The following LPP variants were observed in gnomAD, a reference collection of about 807,000 sequenced individuals.
The protein encoded by LPP is LIM domain containing preferred translocation partner in lipoma, also known as lipoma-preferred partner.
LPP carries 38 observed loss-of-function variants against 60.4 expected under a neutral mutation model. That is an observed-to-expected ratio of 0.63 (90% CI 0.49 to 0.83). The LOEUF (loss-of-function observed/expected upper bound fraction) is 0.83. Ranked by LOEUF, LPP falls within the 40% of genes least tolerant of loss-of-function variation. The probability of loss-of-function intolerance (pLI) is 0.00; values close to 1 mark genes in which losing one functional copy is unlikely to be tolerated. For missense variants in LPP, 902 were observed against 783.6 expected, an observed-to-expected ratio of 1.15 and a Z score of -1.80; for synonymous variants, 328 against 290.8, an observed-to-expected ratio of 1.13 and a Z score of -1.30.
intron 2 of LPP, among the ~76,000 whole-genome samples, chr3:188,300,604 G>C (rs919049638): frequency 6.6e-6 from 1 of 152,022 alleles, no homozygotes; most frequent in African/African-American, 2.4e-5. Flanking sequence ...TTATTAATTT[G>C]TAGAAAATTC....
At chr3:188,316,506 T>C (rs1381069127) in intron 2 of LPP, among the ~76,000 whole-genome samples, 2 of 152,198 alleles carry the variant, frequency 1.3e-5, no homozygotes, top group Non-Finnish European at 2.9e-5. Flanking sequence ...GCTAGCAGTG[T>C]TGCAATAGCA....
At chr3:188,210,142 A>G (rs1734312718) in intron 1 of LPP, among the ~76,000 whole-genome samples, 1 of 152,222 alleles carries the variant, frequency 6.6e-6, no homozygotes, top group Non-Finnish European at 1.5e-5. Flanking sequence ...AACTGTTCAC[A>G]TAGCATTTGC....
At chr3:188,708,525 C>T (rs1865931492) in intron 8 of LPP, 132 bp downstream of exon 8, 17 of 1,169,034 alleles carry the variant, frequency 1.5e-5, no homozygotes, top group South Asian at 1.3e-4. Context: ...TATACATCCC[C>T]GCACAACTAA....
At chr3:188,629,099 A>G (rs2151691360) in intron 7 of LPP, among the ~76,000 whole-genome samples, 1 of 152,264 alleles carries the variant, frequency 6.6e-6, no homozygotes, top group East Asian at 1.9e-4. Flanking sequence ...TTGAAGGAAC[A>G]TACTTCAAAA....
At chr3:188,157,946 G>T (rs1263360888) in intron 1 of LPP, among the ~76,000 whole-genome samples, 1 of 152,174 alleles carries the variant, frequency 6.6e-6, no homozygotes, top group African/African-American at 2.4e-5. Flanking sequence ...GTTTTGAAAG[G>T]CCAGCCATGA....
intron 3 of LPP, among the ~76,000 whole-genome samples, chr3:188,402,938 A>G (rs1782589614): frequency 1.3e-5 from 2 of 152,220 alleles, no homozygotes; most frequent in South Asian, 4.1e-4. Context: ...GTAGAACGTG[A>G]AGAGAGGGAA....
At chr3:188,487,531 C>T (rs542298530) in intron 5 of LPP, among the ~76,000 whole-genome samples, 2 of 152,146 alleles carry the variant, frequency 1.3e-5, no homozygotes, top group Non-Finnish European at 2.9e-5. Context: ...AAATAAAATA[C>T]GGTTTGCCAA....
chr3:188,711,940 A>G (rs1211536109), intron 8 of LPP: 1 of 152,210 alleles, frequency 6.6e-6, no homozygotes, highest in African/African-American at 2.4e-5. Context: ...GATAGTAGAG[A>G]AGTGAAGTCA....
intron 9 of LPP, among the ~76,000 whole-genome samples, chr3:188,781,061 T>C (rs1256462383): frequency 6.6e-6 from 1 of 152,260 alleles, no homozygotes; most frequent in Non-Finnish European, 1.5e-5. Flanking sequence ...ACTGGTGTTA[T>C]GTGTATTCAC....
intron 7 of LPP, among the ~76,000 whole-genome samples, chr3:188,680,023 G>A (rs1473870956): frequency 6.6e-6 from 1 of 152,120 alleles, no homozygotes; most frequent in Non-Finnish European, 1.5e-5. Context: ...AGAATCATTG[G>A]TGAATAGGAG....
At chr3:188,330,632 A>G (rs527789435) in intron 2 of LPP, among the ~76,000 whole-genome samples, 2 of 152,256 alleles carry the variant, frequency 1.3e-5, no homozygotes, top group East Asian at 1.9e-4. Context: ...TCCCAGCAAC[A>G]TGGTAAAACC....
At chr3:188,774,735 A>T (rs1377973022) in intron 9 of LPP, among the ~76,000 whole-genome samples, 1 of 152,076 alleles carries the variant, frequency 6.6e-6, no homozygotes, top group Non-Finnish European at 1.5e-5. Context: ...CCACCCTCTC[A>T]CTGTGTCCTT....
At chr3:188,642,583 C>T (rs1850365812) in intron 7 of LPP, among the ~76,000 whole-genome samples, 1 of 152,152 alleles carries the variant, frequency 6.6e-6, no homozygotes, top group Non-Finnish European at 1.5e-5. Context: ...ACATCTTTAA[C>T]TCAAGAGGTC....
chr3:188,301,809 A>G (rs966516124), intron 2 of LPP, among the ~76,000 whole-genome samples: 10 of 151,970 alleles, frequency 6.6e-5, no homozygotes, highest in African/African-American at 2.2e-4. Flanking sequence ...GTGTGCCACA[A>G]TGCCCAGCTA....
chr3:188,460,497 T>C (rs151074001), intron 4 of LPP, among the ~76,000 whole-genome samples: 2,859 of 152,290 alleles, frequency 0.019, 53 homozygotes, highest in Non-Finnish European at 0.022. Flanking sequence ...GCAGTTACTG[T>C]TGGAACAGAA....
At chr3:188,230,478 A>T (rs1719496350) in intron 2 of LPP, among the ~76,000 whole-genome samples, 1 of 152,144 alleles carries the variant, frequency 6.6e-6, no homozygotes, top group Non-Finnish European at 1.5e-5. Flanking sequence ...GCGTGGATGA[A>T]GAGTTGGGAG....
intron 6 of LPP, among the ~76,000 whole-genome samples, chr3:188,559,732 A>C: frequency 6.6e-6 from 1 of 152,076 alleles, no homozygotes; most frequent in Non-Finnish European, 1.5e-5. Context: ...CCAGTACCAC[A>C]ATGGGAAATA....
At chr3:188,592,050 A>G (rs1235598678) in intron 6 of LPP, among the ~76,000 whole-genome samples, 5 of 152,202 alleles carry the variant, frequency 3.3e-5, no homozygotes, top group African/African-American at 1.2e-4. Flanking sequence ...TTTAACAGAA[A>G]CAAACTACTT....
intron 2 of LPP, among the ~76,000 whole-genome samples, chr3:188,296,625 A>G (rs1218951976): frequency 6.6e-6 from 1 of 152,220 alleles, no homozygotes; most frequent in Non-Finnish European, 1.5e-5. Flanking sequence ...GTTGAAAATA[A>G]TGGAGTCACA....
Sources: gnomAD v4.1 joint callset for allele counts (sites outside exome capture counted in the v4.1 genomes callset) on GRCh38, gnomAD v4.1.1 for gene constraint, MANE v1.5 for transcripts, NCBI Gene and HGNC (gene_info 2026-07-23, HGNC 2026-07-21) for gene names.